The following RFX3 variants were observed in gnomAD, a reference collection of about 807,000 sequenced individuals.
RFX3 encodes transcription factor RFX3.
A neutral mutation model predicts 98.6 loss-of-function variants in RFX3; 14 were observed. The observed-to-expected ratio is 0.14, with a 90% CI of 0.09 to 0.22. RFX3 has a LOEUF of 0.22. Ranked by LOEUF, RFX3 falls within the 10% of genes least tolerant of loss-of-function variation. The pLI, the probability that RFX3 is intolerant of heterozygous loss-of-function variation, is 1.00. For missense variants in RFX3, 639 were observed against 926.9 expected (o/e 0.69, Z 4.03); for synonymous variants, 383 against 328.4 (o/e 1.17, Z -1.80).
Position 3,485,251 on chromosome 9 carries a change from A to G in RFX3, c.-9+40496T>C, listed in dbSNP as rs1850160769. 2.0e-5 allele frequency among the ~76,000 whole-genome samples: 3 copies of G among 152,142 alleles called. 1 individual carries two copies. The South Asian group carries it at 6.2e-4, about 32-fold the overall frequency. On this transcript the variant is annotated intron_variant, in intron 1 of 16. Coordinates refer to ENST00000617270, the MANE Select transcript of RFX3 (RefSeq NM_001282116.2). ...TGTTCTATTGGTTTTTCCTAACCCA[A>G]TCTACTGAAGAAACTTTTACATTTA... is the stretch of plus-strand genomic sequence containing the variant.
At chr9:3,476,996 G>A (rs1849323882) in intron 1 of RFX3, among the ~76,000 whole-genome samples, 1 of 152,116 alleles carries the variant, frequency 6.6e-6, no homozygotes, top group South Asian at 2.1e-4. Context: ...ATATTGTAAT[G>A]AGAAAATGAT....
intron 1 of RFX3, among the ~76,000 whole-genome samples, chr9:3,425,132 G>A (rs1370396232): frequency 1.3e-5 from 2 of 152,172 alleles, no homozygotes; most frequent in Admixed American, 1.3e-4. Context: ...CAGCTACTTG[G>A]GAGGCTAAAG....
intron 4 of RFX3, among the ~76,000 whole-genome samples, chr9:3,328,451 T>G (rs193163469): frequency 6.6e-6 from 1 of 152,294 alleles, no homozygotes; most frequent in East Asian, 1.9e-4. Context: ...AGCTATGGTT[T>G]ATTAGTAGCA....
chr9:3,309,204 T>C (rs1168794025), intron 4 of RFX3, among the ~76,000 whole-genome samples: 1 of 152,126 alleles, frequency 6.6e-6, no homozygotes, highest in Non-Finnish European at 1.5e-5. Context: ...ACTTCCATGA[T>C]TTCTCAGGAA....
At chr9:3,397,933 G>A (rs1012527674) in intron 1 of RFX3, among the ~76,000 whole-genome samples, 1 of 152,128 alleles carries the variant, frequency 6.6e-6, no homozygotes, top group Non-Finnish European at 1.5e-5. Context: ...GAGCAGAAGT[G>A]GCTAGGGGTT....
At chr9:3,483,437 G>A (rs957480367) in intron 1 of RFX3, among the ~76,000 whole-genome samples, 7 of 152,008 alleles carry the variant, frequency 4.6e-5, no homozygotes, top group African/African-American at 1.7e-4. Flanking sequence ...AATATTTGTT[G>A]AATAAAACCA....
chr9:3,275,324 A>ATC, intron 9 of RFX3, 176 bp downstream of exon 9: 1 of 456,908 alleles, frequency 2.2e-6, no homozygotes, highest in South Asian at 4.1e-5. Context: ...TGCATTCCTC[A>ATC]TCTCTCCACT....
chr9:3,484,100 A>G (rs1331931287), intron 1 of RFX3, among the ~76,000 whole-genome samples: 1 of 152,230 alleles, frequency 6.6e-6, no homozygotes, highest in African/African-American at 2.4e-5. Flanking sequence ...GATGTAGGAT[A>G]TATAAAGACC....
chr9:3,261,257 T>A (rs1026569151), intron 13 of RFX3, among the ~76,000 whole-genome samples: 4 of 152,020 alleles, frequency 2.6e-5, no homozygotes, highest in African/African-American at 9.7e-5. Context: ...CCTTTTTAAT[T>A]TTCCTAAAAA....
At chr9:3,399,716 CCAA>C (rs935252345) in intron 1 of RFX3, among the ~76,000 whole-genome samples, 2 of 151,888 alleles carry the variant, frequency 1.3e-5, no homozygotes, top group African/African-American at 4.8e-5. Flanking sequence ...CTTTGGGAGG[CCAA>C]GTGGGGCAGA....
intron 1 of RFX3, among the ~76,000 whole-genome samples, chr9:3,450,673 T>C (rs1271340161): frequency 6.6e-6 from 1 of 152,198 alleles, no homozygotes; most frequent in South Asian, 2.1e-4. Flanking sequence ...CAAATTACCA[T>C]GTTTTGAAGT....
At chr9:3,341,969 C>T (rs948605262) in intron 3 of RFX3, among the ~76,000 whole-genome samples, 1 of 152,116 alleles carries the variant, frequency 6.6e-6, no homozygotes, top group African/African-American at 2.4e-5. Flanking sequence ...ATCGAAATTT[C>T]ACATTCCACT....
At chr9:3,292,309 C>G (rs571471412) in intron 6 of RFX3, among the ~76,000 whole-genome samples, 1 of 151,890 alleles carries the variant, frequency 6.6e-6, no homozygotes, top group East Asian at 1.9e-4. Flanking sequence ...AAATGAAGCC[C>G]CAGAGTTCTA....
At chr9:3,297,662 C>T (rs774579500) in intron 5 of RFX3, among the ~76,000 whole-genome samples, 2 of 151,836 alleles carry the variant, frequency 1.3e-5, no homozygotes, top group African/African-American at 4.8e-5. Flanking sequence ...CTTATATTTA[C>T]AATACAGCAA....
At chr9:3,325,038 T>A (rs1831756423) in intron 4 of RFX3, among the ~76,000 whole-genome samples, 1 of 152,088 alleles carries the variant, frequency 6.6e-6, no homozygotes, top group South Asian at 2.1e-4. Flanking sequence ...AGGATGAGAA[T>A]TGGGAAACGG....
At chr9:3,358,177 G>T (rs1587291665) in intron 2 of RFX3, among the ~76,000 whole-genome samples, 1 of 151,970 alleles carries the variant, frequency 6.6e-6, no homozygotes, top group African/African-American at 2.4e-5. Context: ...CTATCAAAAG[G>T]GTTACTGTGA....
chr9:3,431,660 G>A (rs1282540259), intron 1 of RFX3, among the ~76,000 whole-genome samples: 1 of 152,120 alleles, frequency 6.6e-6, no homozygotes, highest in Non-Finnish European at 1.5e-5. Context: ...ACAATTTAAA[G>A]CAAAAGGAAG....
chr9:3,351,172 A>T (rs1835066877), intron 2 of RFX3, among the ~76,000 whole-genome samples: 2 of 151,390 alleles, frequency 1.3e-5, no homozygotes, highest in Admixed American at 6.6e-5. Context: ...TTATAATGGA[A>T]GAGGCTATTC....
intron 2 of RFX3, among the ~76,000 whole-genome samples, 153 bp from the exon 3 acceptor site, chr9:3,346,917 T>C (rs930573552): frequency 6.6e-6 from 1 of 152,230 alleles, no homozygotes. Context: ...AGTTTCAAGA[T>C]AAGCATGTGT....
Sources: allele counts gnomAD v4.1 joint callset (sites outside exome capture counted in the v4.1 genomes callset), GRCh38; gene constraint gnomAD v4.1.1; transcripts MANE v1.5; gene names NCBI Gene and HGNC (gene_info 2026-07-23, HGNC 2026-07-21).